PIKFYVE: variants seen among roughly 807,000 people sequenced by gnomAD.
PIKFYVE encodes the protein 1-phosphatidylinositol 3-phosphate 5-kinase.
PIKFYVE carries 122 observed loss-of-function variants against 257.9 expected under a neutral mutation model. The observed-to-expected ratio is 0.47, with a 90% CI of 0.41 to 0.55. The LOEUF (loss-of-function observed/expected upper bound fraction) is 0.55. PIKFYVE is among the 20% of genes least tolerant of loss of function. The pLI is 0.00. For missense variants in PIKFYVE, 2,160 were observed against 2,536.6 expected (o/e 0.85, Z 3.19); for synonymous variants, 892 against 868.9 (o/e 1.03, Z -0.47).
intron 16 of PIKFYVE, 108 bp downstream of exon 16, chr2:208,318,049 G>A: frequency 8.5e-7 from 1 of 1,176,026 alleles, no homozygotes; most frequent in Non-Finnish European, 1.3e-6. Context: ...GACAATGAAA[G>A]GCAGCTGTGT....
rs780885080 is a variant in PIKFYVE at position 208,326,300 on chromosome 2, G to A, written c.3489G>A (p.Gln1163=). ...ADYRARGGRI[Q]PKNSDPFAHS... Reference sequence around the variant, plus strand: ...ATCGAGCCAGAGGAGGAAGAATTCAGCCCAAAAATTCAGACCCTTTTGCTC... The same window carrying A: ...ATCGAGCCAGAGGAGGAAGAATTCAACCCAAAAATTCAGACCCTTTTGCTC... The change falls in exon 20 of 42, where the codon CAG becomes CAA. Residue 1163 remains glutamine, a synonymous_variant. Transcript: ENST00000264380. The A allele has an allele frequency of 3.7e-6, 6 of 1,603,418 alleles. No homozygotes were observed. In the South Asian group the frequency reaches 5.6e-5, roughly 15 times the overall value.
intron 28 of PIKFYVE, among the ~76,000 whole-genome samples, chr2:208,338,288 T>A (rs894955088): frequency 1.3e-5 from 2 of 152,148 alleles, no homozygotes; most frequent in African/African-American, 4.8e-5. Flanking sequence ...TATAAATGAG[T>A]TCATGCACAT....
chr2:208,278,742 CT>C lies in PIKFYVE; in HGVS notation c.613+1041del, dbSNP rs374271291. Among the ~76,000 whole-genome samples the C allele has an allele frequency of 2.6e-3, 393 of 152,184 alleles. 1 individual carries two copies. The highest frequency in any genetic ancestry group is 8.5e-3 in the African/African-American group (352 of 41,550). Reference sequence around the variant, plus strand: ...TTGCTGCAAAGGACATAATTTTGTTCTTTTTTTATGGCTGCATAGTATTCCA... The same window carrying C: ...TTGCTGCAAAGGACATAATTTTGTTCTTTTTTATGGCTGCATAGTATTCCA... On this transcript the variant is annotated intron_variant, in intron 5 of 41. Transcript: ENST00000264380.
intron 33 of PIKFYVE, among the ~76,000 whole-genome samples, chr2:208,345,748 A>G (rs1454373405): frequency 1.3e-5 from 2 of 152,054 alleles, no homozygotes; most frequent in Non-Finnish European, 1.5e-5. Context: ...AGGAATTGAT[A>G]TTTTCTGTAG....
At chr2:208,321,575 G>GTTT (rs869195257) in intron 17 of PIKFYVE, among the ~76,000 whole-genome samples, 1 of 143,084 alleles carries the variant, frequency 7.0e-6, no homozygotes, top group African/African-American at 2.6e-5. Flanking sequence ...CTTTTCTTTT[G>GTTT]TTTTTTTTTT....
In PIKFYVE at chr2:208,305,017, G is replaced by A; in HGVS notation, c.1636+4G>A. ...CCTCACCCTGCTGACCAAAAAGGTA[G>A]GAGGTAGTCACCATCTGGAATCCAA... On this transcript the variant is annotated splice_donor_region_variant and intron_variant, in intron 12 of 41. Transcript: ENST00000264380. 1 of 1,614,062 alleles carries A rather than the reference G, an allele frequency of 6.2e-7. No homozygotes were observed. The highest frequency in any genetic ancestry group is 8.5e-7 in the Non-Finnish European group (1 of 1,179,980).
chr2:208,341,120 G>C (rs1698659196), intron 31 of PIKFYVE, among the ~76,000 whole-genome samples: 2 of 151,888 alleles, frequency 1.3e-5, no homozygotes, highest in South Asian at 4.2e-4. Context: ...TGATTCTCCT[G>C]CCTCAGCTTC....
chr2:208,276,367 TGC>T (rs1690108525), intron 3 of PIKFYVE, among the ~76,000 whole-genome samples: 1 of 152,138 alleles, frequency 6.6e-6, no homozygotes, highest in Non-Finnish European at 1.5e-5. Context: ...ATTTCTAGCA[TGC>T]ATTTATTATA....
Position 208,350,839 on chromosome 2 carries a change from G to A in PIKFYVE, c.5503G>A (p.Glu1835Lys). The part of the protein sequence containing the change: ...YYAGEFHKMR[E>K]VILDSSEEDF... ...TGCGGGAGAGTTTCATAAGATGCGTGAAGTGATTCTGGACAGCAGTGAAGA... is the reference window on the plus strand; with the variant it reads ...TGCGGGAGAGTTTCATAAGATGCGTAAAGTGATTCTGGACAGCAGTGAAGA... The change falls in exon 37 of 42, where the codon GAA (glutamate) becomes AAA (lysine). Residue 1835 changes from glutamate (E) to lysine (K), a missense_variant. Physicochemically the swap from Glu to Lys is moderately conservative, Grantham distance 56 (BLOSUM62 1). Transcript: ENST00000264380. The A allele has an allele frequency of 6.2e-7, 1 of 1,614,170 alleles. No homozygotes were observed. The highest frequency in any genetic ancestry group is 8.5e-7 in the Non-Finnish European group (1 of 1,180,024).
At chr2:208,267,502 G>GT (rs376773052) in intron 1 of PIKFYVE, among the ~76,000 whole-genome samples, 1,753 of 108,988 alleles carry the variant, frequency 0.016, 93 homozygotes, top group African/African-American at 0.039. Flanking sequence ...TACATTGCCA[G>GT]TTTTTTTTTT....
Position 208,285,891 on chromosome 2 carries a change from C to T in PIKFYVE, c.779C>T (p.Ala260Val), listed in dbSNP as rs371111602. ...EPRTPVGSRK[A>V]SRNIFLEDDL... ...CGAACACCTGTTGGGAGTAGGAAAG[C>T]CAGCCGTAACATATTTTTAGAGGAT... Residue 260 changes from alanine (A) to valine (V), a missense_variant, in exon 6 of 42, where the codon GCC becomes GTC. Ala to Val is a moderately conservative substitution (Grantham distance 64). Transcript: ENST00000264380. The T allele has an allele frequency of 9.4e-5, 151 of 1,613,966 alleles. No individual in the cohort carries two copies. Among genetic ancestry groups the T allele is most frequent in the Non-Finnish European group, 1.3e-4 (149 of 1,180,034 alleles).
intron 33 of PIKFYVE, 23 bp from the exon 34 acceptor site, chr2:208,346,027 C>CT (rs757488495): frequency 5.0e-4 from 775 of 1,544,506 alleles, no homozygotes; most frequent in Non-Finnish European, 5.9e-4. Context: ...CTAAATTTTT[C>CT]TTTTTTTTTC....
chr2:208,303,614 A>G (rs997344439), intron 10 of PIKFYVE, among the ~76,000 whole-genome samples: 2 of 152,198 alleles, frequency 1.3e-5, no homozygotes, highest in Admixed American at 6.5e-5. Context: ...AAGAGTGAGG[A>G]AAAGAAGAGA....
chr2:208,274,105 G>T, intron 3 of PIKFYVE: 1 of 1,566,966 alleles, frequency 6.4e-7, no homozygotes, highest in Non-Finnish European at 8.8e-7. Context: ...GGGTGCTAGT[G>T]AAATGTGATA....
At chr2:208,324,402 G>T in intron 18 of PIKFYVE, 120 bp downstream of exon 18, 4 of 1,063,902 alleles carry the variant, frequency 3.8e-6, no homozygotes, top group Non-Finnish European at 5.5e-6. Context: ...ATTGAAAGTG[G>T]GACAGAAGAT....
intron 39 of PIKFYVE, among the ~76,000 whole-genome samples, chr2:208,353,086 T>G (rs1699919252): frequency 6.6e-6 from 1 of 152,190 alleles, no homozygotes; most frequent in Non-Finnish European, 1.5e-5. Flanking sequence ...ATACAGAAAT[T>G]AAGTACTTCA....
chr2:208,326,139 C>G lies in PIKFYVE; in HGVS notation c.3328C>G (p.Leu1110Val). The change falls in exon 20 of 42, where the codon CTC (leucine) becomes GTC (valine). Residue 1110 changes from leucine (L) to valine (V), a missense_variant. Leu to Val is a conservative substitution (Grantham distance 32). Coordinates refer to ENST00000264380, the MANE Select transcript of PIKFYVE (RefSeq NM_015040.4). Reference protein sequence around the residue: ...NRRKKQLLRDLSGLQGMNGSI... With the variant: ...NRRKKQLLRDVSGLQGMNGSI... ...GAGGAAGAAACAGCTGCTCAGGGAT[C>G]TCTCTGGACTTCAGGGCATGAATGG... is the stretch of plus-strand genomic sequence containing the variant. The G allele has an allele frequency of 6.2e-7, 1 of 1,614,140 alleles. No individual in the cohort carries two copies. Among genetic ancestry groups the G allele is most frequent in the Non-Finnish European group, 8.5e-7 (1 of 1,180,028 alleles).
At position 208,329,895 on chromosome 2, in the gene PIKFYVE, TAG is replaced by T. The variant is rs1367564566; in HGVS notation, c.3779_3780del (p.Arg1260IlefsTer15). 3 of 1,610,634 alleles carry T rather than the reference TAG, an allele frequency of 1.9e-6. No individual in the cohort carries two copies. Among genetic ancestry groups the T allele is most frequent in the Non-Finnish European group, 2.5e-6 (3 of 1,177,778 alleles). On this transcript the variant is annotated frameshift_variant, in exon 22 of 42. Transcript: ENST00000264380. LOFTEE classifies it high-confidence loss of function. ...AATGATCTTACATTAGGAATATTTT[TAG>T]AGAGATACTGTTTCAGGTAAGAACA... is the stretch of plus-strand genomic sequence containing the variant.
chr2:208,304,527 A>G (rs1694088506), intron 11 of PIKFYVE, among the ~76,000 whole-genome samples: 1 of 152,234 alleles, frequency 6.6e-6, no homozygotes, highest in Admixed American at 6.5e-5. Context: ...CATAGTCTAT[A>G]GTTTGTAGCA....
Sources: gnomAD v4.1 joint callset for allele counts (sites outside exome capture counted in the v4.1 genomes callset) on GRCh38, gnomAD v4.1.1 for gene constraint, MANE v1.5 for transcripts, NCBI Gene and HGNC (gene_info 2026-07-23, HGNC 2026-07-21) for gene names.